ITGA4: variants seen among roughly 807,000 people sequenced by gnomAD.
ITGA4 encodes integrin alpha-4.
In ITGA4, 63 loss-of-function variants were observed where a neutral mutation model predicts 133.6. That is an observed-to-expected ratio of 0.47 (90% CI 0.38 to 0.58). The LOEUF (loss-of-function observed/expected upper bound fraction) is 0.58, where lower values mean the gene tolerates loss of function less well. Among genes scored for constraint, ITGA4 ranks in the 20% least tolerant of loss-of-function variants. The pLI is 0.00. For missense variants in ITGA4, 1,076 were observed against 1,252.7 expected (o/e 0.86, Z 2.13); for synonymous variants, 483 against 438.0 (o/e 1.10, Z -1.28).
chr2:181,529,505 C>T, intron 22 of ITGA4, 36 bp from the exon 23 acceptor site: 3 of 1,021,012 alleles, frequency 2.9e-6, no homozygotes, highest in Non-Finnish European at 4.6e-6. Flanking sequence ...TTATAGAAAA[C>T]ATTTAATTTG....
At position 181,457,805 on chromosome 2, in the gene ITGA4, C is replaced by A. The variant is rs1184327031; in HGVS notation, c.151C>A (p.Leu51Met). The change falls in exon 1 of 28, where the codon CTG becomes ATG. Residue 51 changes from leucine (L) to methionine (M), a missense_variant. By Grantham distance (15) the Leu-to-Met change is conservative. Transcript: ENST00000397033. ...ALLYQGPHNT[L>M]FGYSVVLHSH... ...GCTTTACCAGGGCCCCCACAACACG[C>A]TGTTCGGCTACTCGGTCGTGCTGCA... 1 of 1,613,728 alleles carries A rather than the reference C, an allele frequency of 6.2e-7. No homozygotes were observed. The highest frequency in any genetic ancestry group is 1.1e-5 in the South Asian group (1 of 91,048).
chr2:181,501,229 G>A (rs1686261569), intron 15 of ITGA4, among the ~76,000 whole-genome samples: 1 of 152,140 alleles, frequency 6.6e-6, no homozygotes, highest in Non-Finnish European at 1.5e-5. Flanking sequence ...GTTCCCAGAG[G>A]ACCCATACTT....
chr2:181,513,358 G>A (rs940296669), intron 17 of ITGA4, among the ~76,000 whole-genome samples: 3 of 152,002 alleles, frequency 2.0e-5, no homozygotes, highest in Non-Finnish European at 4.4e-5. Context: ...CACTATCCAG[G>A]AATGACATGG....
At chr2:181,508,419 G>A (rs1686437191) in intron 15 of ITGA4, among the ~76,000 whole-genome samples, 2 of 152,068 alleles carry the variant, frequency 1.3e-5, no homozygotes, top group Admixed American at 1.3e-4. Context: ...AAAACGGCTG[G>A]GCGCGGTGGT....
chr2:181,503,576 T>A (rs1686329914), intron 15 of ITGA4, among the ~76,000 whole-genome samples: 1 of 149,694 alleles, frequency 6.7e-6, no homozygotes, highest in Non-Finnish European at 1.5e-5. Flanking sequence ...TTTTTTTTTT[T>A]TTTTTTTTTT....
At chr2:181,484,770 A>G (rs1188705678) in intron 9 of ITGA4, among the ~76,000 whole-genome samples, 1 of 152,248 alleles carries the variant, frequency 6.6e-6, no homozygotes, top group East Asian at 1.9e-4. Context: ...CATTATAAGT[A>G]CATACAAAGT....
chr2:181,478,197 CAG>C (rs1685723500), intron 4 of ITGA4, among the ~76,000 whole-genome samples: 1 of 151,124 alleles, frequency 6.6e-6, no homozygotes, highest in African/African-American at 2.4e-5. Context: ...AGAAGGTGAG[CAG>C]AGAGAGGGTT....
chr2:181,478,985 C>T (rs997183146), intron 5 of ITGA4, 161 bp downstream of exon 5: 2 of 411,696 alleles, frequency 4.9e-6, no homozygotes, highest in African/African-American at 4.1e-5. Flanking sequence ...ACTCAAAATT[C>T]CACATATATT....
Position 181,457,529 on chromosome 2 carries a change from G to T in ITGA4, c.-126G>T, listed in dbSNP as rs1254140465. 2 of 899,498 alleles carry T rather than the reference G, an allele frequency of 2.2e-6. No individual in the cohort carries two copies. The allele number at this position is 899,498 out of a possible 1,614,324, so 55.7% of individuals were successfully genotyped here. On this transcript the variant is annotated 5_prime_UTR_variant, in exon 1 of 28. Transcript: ENST00000397033. ...TCCTCTTCCCTCTCTCCTTCCTTTA[G>T]CCCGCTGGCGCCGGACACGCTGCGC...
rs1686205337 is a variant in ITGA4 at position 181,498,612 on chromosome 2, T to C, written c.1541-11T>C. ...TAATTAGATTAATTGCAATTCTCTA[T>C]ATTTTTGCAGTTTTGTTTTATAACA... On this transcript the variant is annotated splice_polypyrimidine_tract_variant and intron_variant, in intron 14 of 27. Transcript: ENST00000397033. 1 of 1,564,064 alleles carries C rather than the reference T, an allele frequency of 6.4e-7. No individual in the cohort carries two copies. Among genetic ancestry groups the C allele is most frequent in the African/African-American group, 1.4e-5 (1 of 73,420 alleles).
Position 181,530,507 on chromosome 2 carries a change from G to C in ITGA4, c.2539-17G>C, listed in dbSNP as rs1261973755. 2.5e-6 allele frequency: 4 copies of C among 1,599,338 alleles called. No homozygotes were observed. The highest frequency in any genetic ancestry group is 3.4e-6 in the Non-Finnish European group (4 of 1,169,996). Reference sequence around the variant, plus strand: ...AGTGTTGAAAGATAAGATTTCTCTTGCTTTCTGTCTTCATAGACTACTACT... The same window carrying C: ...AGTGTTGAAAGATAAGATTTCTCTTCCTTTCTGTCTTCATAGACTACTACT... On this transcript the variant is annotated splice_polypyrimidine_tract_variant and intron_variant, in intron 23 of 27. Coordinates refer to ENST00000397033, the MANE Select transcript of ITGA4 (RefSeq NM_000885.6).
intron 15 of ITGA4, among the ~76,000 whole-genome samples, chr2:181,502,809 T>G (rs750080464): frequency 2.2e-4 from 33 of 152,012 alleles, no homozygotes; most frequent in Non-Finnish European, 2.1e-4. Flanking sequence ...CCTGTGTGCT[T>G]GTGTTTTTTT....
chr2:181,530,407 G>A, intron 23 of ITGA4, 117 bp from the exon 24 acceptor site: 1 of 887,250 alleles, frequency 1.1e-6, no homozygotes, highest in Non-Finnish European at 1.7e-6. Context: ...TACAATTTCA[G>A]AGGTACTTGA....
In ITGA4 at chr2:181,509,638, A is replaced by G; in HGVS notation, c.1696-20A>G. The G allele has an allele frequency of 6.4e-7, 1 of 1,554,770 alleles. No individual in the cohort carries two copies. Among genetic ancestry groups the G allele is most frequent in the South Asian group, 1.3e-5 (1 of 79,452 alleles). On this transcript the variant is annotated intron_variant, in intron 15 of 27. Transcript: ENST00000397033. ...TACGTGCTTGTTTTTGTTAATTCAT[A>G]TGGTGGTTATTTTCCTTAGAAAGAT...
chr2:181,480,025 C>A, intron 5 of ITGA4, 112 bp from the exon 6 acceptor site: 1 of 624,522 alleles, frequency 1.6e-6, no homozygotes, highest in Non-Finnish European at 2.4e-6. Flanking sequence ...AATATTCCTA[C>A]TTCAGGAATT....
At chr2:181,460,734 A>C (rs1308828595) in intron 2 of ITGA4, among the ~76,000 whole-genome samples, 2 of 152,276 alleles carry the variant, frequency 1.3e-5, no homozygotes, top group African/African-American at 2.4e-5. Context: ...TTGTTTACTT[A>C]AATCTATTAT....
chr2:181,478,388 T>C (rs1685729069), intron 4 of ITGA4, among the ~76,000 whole-genome samples: 1 of 152,094 alleles, frequency 6.6e-6, no homozygotes, highest in Non-Finnish European at 1.5e-5. Context: ...TAAAGTGTAG[T>C]AACTGTTTCA....
intron 15 of ITGA4, among the ~76,000 whole-genome samples, chr2:181,505,048 T>C (rs2105752449): frequency 6.6e-6 from 1 of 152,106 alleles, no homozygotes; most frequent in South Asian, 2.1e-4. Context: ...TCATATTCCT[T>C]GCTTAAAATC....
chr2:181,458,568 T>C lies in ITGA4; in HGVS notation c.319+251T>C, dbSNP rs770175627. The C allele has an allele frequency of 6.3e-5, 31 of 495,204 alleles. No homozygotes were observed. In the Middle Eastern group the frequency reaches 7.7e-3, roughly 123 times the overall value. 30.7% of individuals were successfully genotyped at this position (495,204 alleles called of 1,614,324 possible). A position where few individuals can be genotyped will look rare whatever the true frequency, so the allele number is the denominator to read the frequency against. On this transcript the variant is annotated intron_variant, in intron 2 of 27. Transcript: ENST00000397033. ...ACAACTATGCTAGAGAAATTTCTTATGATACCTTCTCTTCATCTCTCCCCG... is the reference window on the plus strand; with the variant it reads ...ACAACTATGCTAGAGAAATTTCTTACGATACCTTCTCTTCATCTCTCCCCG...
Sources: allele counts gnomAD v4.1 joint callset (sites outside exome capture counted in the v4.1 genomes callset), GRCh38; gene constraint gnomAD v4.1.1; transcripts MANE v1.5; gene names NCBI Gene and HGNC (gene_info 2026-07-23, HGNC 2026-07-21).